Variants in KLHL7 observed in about 807,000 individuals in gnomAD.
KLHL7 encodes the protein kelch like family member 7, also known as kelch-like protein 7.
Under a neutral mutation model 67.4 loss-of-function variants are expected in KLHL7, and 44 were observed. That is an observed-to-expected ratio of 0.65 (90% CI 0.51 to 0.84). The LOEUF (loss-of-function observed/expected upper bound fraction) is 0.84. Ranked by LOEUF, KLHL7 falls within the 40% of genes least tolerant of loss-of-function variation. The pLI is 0.00. For synonymous variants in KLHL7, 252 were observed against 243.3 expected, an observed-to-expected ratio of 1.04 and a Z score of -0.33; for missense variants, 362 against 718.1, an observed-to-expected ratio of 0.50 and a Z score of 5.67.
chr7:23,164,351 T>A lies in KLHL7; in HGVS notation c.937-1347T>A, dbSNP rs184420402. 5.3e-5 allele frequency among the ~76,000 whole-genome samples: 8 copies of A among 152,330 alleles called. No individual in the cohort carries two copies. In the East Asian group the frequency reaches 1.5e-3, roughly 29 times the overall value. On this transcript the variant is annotated intron_variant, in intron 7 of 10. Transcript: ENST00000339077. Reference sequence around the variant, plus strand: ...TACATAAACCTGATTAGATAGGTATTATGAGTAGATATGAAGAACATTTAA... The same window carrying A: ...TACATAAACCTGATTAGATAGGTATAATGAGTAGATATGAAGAACATTTAA...
At chr7:23,130,394 C>T (rs1208128630) in intron 4 of KLHL7, among the ~76,000 whole-genome samples, 1 of 152,112 alleles carries the variant, frequency 6.6e-6, no homozygotes, top group Non-Finnish European at 1.5e-5. Flanking sequence ...TTCACTGCTG[C>T]CTTTACACTA....
At chr7:23,116,518 T>A (rs1783095697) in intron 1 of KLHL7, among the ~76,000 whole-genome samples, 1 of 152,264 alleles carries the variant, frequency 6.6e-6, no homozygotes, top group Admixed American at 6.5e-5. Context: ...TTAAGTTGGA[T>A]CTTTTCCTTT....
intron 4 of KLHL7, among the ~76,000 whole-genome samples, chr7:23,128,262 G>A (rs1783656125): frequency 6.6e-6 from 1 of 151,688 alleles, no homozygotes; most frequent in Non-Finnish European, 1.5e-5. Flanking sequence ...GATCAAACAG[G>A]AAGTTGCCTC....
In KLHL7 at chr7:23,123,939, A is replaced by T. The variant is rs1783454943; in HGVS notation, c.223+60A>T. On this transcript the variant is annotated intron_variant, in intron 2 of 10. Coordinates refer to ENST00000339077, the MANE Select transcript of KLHL7 (RefSeq NM_001031710.3). ...TTCTATGAGAATGAAGTAAAATCTA[A>T]AAGAGAATATGTCATTTTTCTAATT... is the stretch of plus-strand genomic sequence containing the variant. The T allele has an allele frequency of 1.1e-5, 13 of 1,141,014 alleles. No homozygotes were observed. The South Asian group carries it at 1.6e-4, about 14-fold the overall frequency. 70.7% of individuals were successfully genotyped at this position (1,141,014 alleles called of 1,614,324 possible).
At chr7:23,123,078 C>T (rs1019001755) in intron 1 of KLHL7, among the ~76,000 whole-genome samples, 1 of 152,200 alleles carries the variant, frequency 6.6e-6, no homozygotes, top group Non-Finnish European at 1.5e-5. Context: ...GTTTTCCCCA[C>T]ATTTTAATTA....
At chr7:23,152,311 T>C in intron 7 of KLHL7, 102 bp downstream of exon 7, 1 of 1,033,652 alleles carries the variant, frequency 9.7e-7, no homozygotes, top group Middle Eastern at 2.8e-4. Context: ...CCTTTAGAGA[T>C]GATAGTTTAT....
Position 23,174,606 on chromosome 7 carries a change from T to A in KLHL7, c.*308T>A. On this transcript the variant is annotated 3_prime_UTR_variant, in exon 11 of 11. Transcript: ENST00000339077. ...CTATGATTTTGGCAGAATAGAAGATTGGCTCATCAGTGAAGCGCAGTATCT... is the reference window on the plus strand; with the variant it reads ...CTATGATTTTGGCAGAATAGAAGATAGGCTCATCAGTGAAGCGCAGTATCT... The A allele has an allele frequency of 2.0e-6, 1 of 502,092 alleles. No homozygotes were observed. Among genetic ancestry groups the A allele is most frequent in the Non-Finnish European group, 3.9e-6 (1 of 258,740 alleles). 31.1% of individuals were successfully genotyped at this position (502,092 alleles called of 1,614,324 possible). A position where few individuals can be genotyped will look rare whatever the true frequency, so the allele number is the denominator to read the frequency against.
At chr7:23,172,718 A>T (rs1174209974) in intron 9 of KLHL7, 1 of 427,050 alleles carries the variant, frequency 2.3e-6, no homozygotes, top group East Asian at 3.8e-5. Flanking sequence ...TCATTTTCTT[A>T]TATCCTATCA....
chr7:23,150,945 T>C (rs1230456290), intron 6 of KLHL7, among the ~76,000 whole-genome samples: 1 of 152,222 alleles, frequency 6.6e-6, no homozygotes, highest in Non-Finnish European at 1.5e-5. Context: ...GTTAAGTTGC[T>C]GGTAATTCTT....
At chr7:23,168,468 T>C (rs920628416) in intron 9 of KLHL7, among the ~76,000 whole-genome samples, 2 of 152,196 alleles carry the variant, frequency 1.3e-5, no homozygotes, top group African/African-American at 4.8e-5. Context: ...GGTGTAAACT[T>C]CCTAAGTACA....
intron 1 of KLHL7, 127 bp downstream of exon 1, chr7:23,106,273 C>G (rs1782634350): frequency 1.3e-6 from 2 of 1,527,610 alleles, no homozygotes; most frequent in Non-Finnish European, 1.8e-6. Context: ...CCCCTCCTTC[C>G]GTTTTCGCAG....
At chr7:23,140,565 A>G (rs1784143455) in intron 4 of KLHL7, 4 of 599,644 alleles carry the variant, frequency 6.7e-6, no homozygotes, top group Admixed American at 2.6e-5. Flanking sequence ...TCAAAAAACA[A>G]AAAAACAAAA....
chr7:23,125,054 C>G lies in KLHL7; in HGVS notation c.324C>G (p.Ser108=), dbSNP rs867358889. Residue 108 remains serine (S), a synonymous_variant, in exon 4 of 11, where the codon TCC becomes TCG. Transcript: ENST00000339077. ...CCCTCTAACTTATTTGCAGAATTTCCGTGAATAGCAACAATGTTCAGTCTT... is the reference window on the plus strand; with the variant it reads ...CCCTCTAACTTATTTGCAGAATTTCGGTGAATAGCAACAATGTTCAGTCTT... ...LVEFAYTARI[S]VNSNNVQSLL... 8.7e-6 allele frequency: 14 copies of G among 1,611,592 alleles called. No homozygotes were observed. The highest frequency in any genetic ancestry group is 1.2e-5 in the Non-Finnish European group (14 of 1,177,888).
At chr7:23,144,240 A>G (rs1395575234) in intron 6 of KLHL7, among the ~76,000 whole-genome samples, 1 of 152,210 alleles carries the variant, frequency 6.6e-6, no homozygotes, top group Non-Finnish European at 1.5e-5. Context: ...AGAAGGTACA[A>G]ATTACTTATG....
At chr7:23,168,241 A>C in intron 9 of KLHL7, 1 of 582,932 alleles carries the variant, frequency 1.7e-6, no homozygotes, top group East Asian at 2.9e-5. Context: ...CTTACACCCC[A>C]TGGGAACCTC....
At chr7:23,140,429 CACCTGTAGTCCCA>C (rs1254282048) in intron 4 of KLHL7, among the ~76,000 whole-genome samples, 4 of 152,160 alleles carry the variant, frequency 2.6e-5, no homozygotes, top group Non-Finnish European at 4.4e-5. Context: ...TGGTGGCGAG[CACCTGTAGTCCCA>C]ACTACTCGGG....
At chr7:23,172,383 G>A (rs1458480866) in intron 9 of KLHL7, among the ~76,000 whole-genome samples, 1 of 152,178 alleles carries the variant, frequency 6.6e-6, no homozygotes, top group Non-Finnish European at 1.5e-5. Flanking sequence ...TTGACAGAAT[G>A]ATAGTACTTT....
rs777265469 is a variant in KLHL7, at chr7:23,125,010, A to G, written c.318-38A>G. 1.9e-6 allele frequency: 3 copies of G among 1,578,486 alleles called. No homozygotes were observed. The African/African-American group carries it at 4.0e-5, about 21-fold the overall frequency. On this transcript the variant is annotated intron_variant, in intron 3 of 10. Transcript: ENST00000339077. ...CACAGTAACATTTAAATAATAAAAA[A>G]TCATGGGTAACTAATATTCCCTCTA...
intron 7 of KLHL7, among the ~76,000 whole-genome samples, chr7:23,161,207 TA>T (rs1182123181): frequency 6.6e-6 from 1 of 152,202 alleles, no homozygotes; most frequent in East Asian, 1.9e-4. Context: ...CAGTCATCAG[TA>T]GTTAGTGAAC....
Sources: gnomAD v4.1 joint callset for allele counts (sites outside exome capture counted in the v4.1 genomes callset) on GRCh38, gnomAD v4.1.1 for gene constraint, MANE v1.5 for transcripts, NCBI Gene and HGNC (gene_info 2026-07-23, HGNC 2026-07-21) for gene names.